B4GALT5: variants seen among roughly 807,000 people sequenced by gnomAD.
B4GALT5 encodes UDP-Gal:beta-GlcNAc beta-1,4-galactosyltransferase 5.
Under a neutral mutation model 45.0 loss-of-function variants are expected in B4GALT5, and 11 were observed. The observed-to-expected ratio is 0.24, with a 90% CI of 0.15 to 0.40. The LOEUF (loss-of-function observed/expected upper bound fraction) is 0.40, where lower values mean the gene tolerates loss of function less well. B4GALT5 is among the 10% of genes least tolerant of loss of function. The pLI, the probability that B4GALT5 is intolerant of heterozygous loss-of-function variation, is 1.00. For synonymous variants in B4GALT5, 185 were observed against 182.9 expected (o/e 1.01, Z -0.09); for missense variants, 337 against 500.2 (o/e 0.67, Z 3.11).
intron 3 of B4GALT5, among the ~76,000 whole-genome samples, chr20:49,646,169 C>G (rs1260595339): frequency 6.6e-6 from 1 of 152,090 alleles, no homozygotes; most frequent in Non-Finnish European, 1.5e-5. Context: ...TACAAGTTCA[C>G]AAGTTTAGAA....
intron 1 of B4GALT5, among the ~76,000 whole-genome samples, chr20:49,667,239 T>C (rs953042474): frequency 2.8e-5 from 4 of 141,836 alleles, no homozygotes; most frequent in African/African-American, 2.5e-5. Context: ...GTGTTTTTTT[T>C]TTTTTGGCTT....
At chr20:49,688,485 A>G (rs2085796194) in intron 1 of B4GALT5, among the ~76,000 whole-genome samples, 1 of 152,196 alleles carries the variant, frequency 6.6e-6, no homozygotes, top group Non-Finnish European at 1.5e-5. Context: ...TGCTGTGGTC[A>G]GCTCAGACAA....
At chr20:49,692,154 GT>G (rs148782228) in intron 1 of B4GALT5, among the ~76,000 whole-genome samples, 20 of 148,096 alleles carry the variant, frequency 1.4e-4, no homozygotes, top group Admixed American at 4.7e-4. Flanking sequence ...CTCACCTACT[GT>G]TTTTTTTTTA....
At chr20:49,712,887 G>C (rs917668073) in intron 1 of B4GALT5, among the ~76,000 whole-genome samples, 9 of 149,132 alleles carry the variant, frequency 6.0e-5, no homozygotes, top group Non-Finnish European at 7.4e-5. Flanking sequence ...GGGATTAGCA[G>C]GAGATTGAAT....
chr20:49,645,075 T>TGTG (rs1476038105), intron 3 of B4GALT5, among the ~76,000 whole-genome samples: 1 of 152,346 alleles, frequency 6.6e-6, no homozygotes, highest in East Asian at 1.9e-4. Flanking sequence ...ACTAGCACTT[T>TGTG]GTTAAGAAAA....
At chr20:49,641,293 A>G (rs1212456057) in intron 5 of B4GALT5, among the ~76,000 whole-genome samples, 2 of 152,162 alleles carry the variant, frequency 1.3e-5, no homozygotes, top group African/African-American at 2.4e-5. Flanking sequence ...TACCATTTCT[A>G]CTCCTTACCA....
chr20:49,646,623 A>G (rs767891946), intron 3 of B4GALT5, among the ~76,000 whole-genome samples: 24 of 152,122 alleles, frequency 1.6e-4, no homozygotes, highest in Non-Finnish European at 2.8e-4. Flanking sequence ...CCAACAATAA[A>G]ATCACCTAAT....
At chr20:49,661,068 T>C (rs1416626641) in intron 1 of B4GALT5, among the ~76,000 whole-genome samples, 1 of 152,212 alleles carries the variant, frequency 6.6e-6, no homozygotes, top group East Asian at 1.9e-4. Flanking sequence ...AATTATCTCA[T>C]TCAAAATTCA....
chr20:49,640,932 G>A (rs1393216250), intron 5 of B4GALT5, among the ~76,000 whole-genome samples: 3 of 152,178 alleles, frequency 2.0e-5, no homozygotes, highest in Non-Finnish European at 4.4e-5. Context: ...GGCCAACATG[G>A]TGAAACCCCA....
At chr20:49,659,164 A>T (rs1430503307) in intron 1 of B4GALT5, among the ~76,000 whole-genome samples, 2 of 152,222 alleles carry the variant, frequency 1.3e-5, no homozygotes, top group Non-Finnish European at 2.9e-5. Context: ...TTAAGGAGAT[A>T]GCTCTCACAT....
chr20:49,663,690 AATATATAC>A lies in B4GALT5; in HGVS notation c.116-6996_116-6989del, dbSNP rs1310780664. ...TTCATCTCAAGAAAAAAAAAAAAAA[AATATATAC>A]ATATATATATATATATATATATATA... On this transcript the variant is annotated intron_variant, in intron 1 of 8. Coordinates refer to ENST00000371711, the MANE Select transcript of B4GALT5 (RefSeq NM_004776.4). Among the ~76,000 whole-genome samples the A allele has an allele frequency of 3.7e-4, 36 of 96,934 alleles. 2 individuals carry two copies. The highest frequency in any genetic ancestry group is 1.3e-3 in the African/African-American group (29 of 22,424). 63.6% of individuals were successfully genotyped at this position (96,934 alleles called of 152,430 possible). A position where few individuals can be genotyped will look rare whatever the true frequency, so the allele number is the denominator to read the frequency against.
intron 1 of B4GALT5, among the ~76,000 whole-genome samples, chr20:49,697,466 C>T (rs1802003800): frequency 6.6e-6 from 1 of 152,222 alleles, no homozygotes. Flanking sequence ...CCTCCTCTAC[C>T]TCATACCAGT....
Position 49,635,125 on chromosome 20 carries a change from G to A in B4GALT5, c.*1187C>T, listed in dbSNP as rs1054127748. The A allele has an allele frequency of 1.3e-5, 2 of 152,244 alleles. No individual in the cohort carries two copies. The highest frequency in any genetic ancestry group is 1.3e-4 in the Admixed American group (2 of 15,286). 9.4% of individuals were successfully genotyped at this position (152,244 alleles called of 1,614,324 possible). On this transcript the variant is annotated 3_prime_UTR_variant, in exon 9 of 9. Coordinates refer to ENST00000371711, the MANE Select transcript of B4GALT5 (RefSeq NM_004776.4). ...CCAGAAACCAAAAAGGGACACAGAG[G>A]AATCACTGAAGCCAGCTGGTAATGT...
chr20:49,672,966 C>T (rs963002699), intron 1 of B4GALT5, among the ~76,000 whole-genome samples: 1 of 152,164 alleles, frequency 6.6e-6, no homozygotes, highest in East Asian at 1.9e-4. Flanking sequence ...ACCACTTAAC[C>T]AAGTGCCCAA....
intron 1 of B4GALT5, among the ~76,000 whole-genome samples, chr20:49,674,111 C>T (rs908667386): frequency 1.4e-5 from 2 of 141,468 alleles, no homozygotes; most frequent in African/African-American, 5.2e-5. Flanking sequence ...AAAAAATTAG[C>T]CAGGTGTGGT....
At chr20:49,700,412 T>C (rs1296109219) in intron 1 of B4GALT5, among the ~76,000 whole-genome samples, 1 of 152,174 alleles carries the variant, frequency 6.6e-6, no homozygotes, top group Non-Finnish European at 1.5e-5. Flanking sequence ...CCCAGGCTCA[T>C]GCGATCCCAA....
intron 2 of B4GALT5, among the ~76,000 whole-genome samples, chr20:49,653,904 C>T (rs2085631922): frequency 6.6e-6 from 1 of 152,216 alleles, no homozygotes; most frequent in Non-Finnish European, 1.5e-5. Flanking sequence ...CCTCTGTACT[C>T]AGTTTTCAAA....
At chr20:49,712,011 G>A (rs892127360) in intron 1 of B4GALT5, among the ~76,000 whole-genome samples, 3 of 152,012 alleles carry the variant, frequency 2.0e-5, no homozygotes, top group African/African-American at 7.3e-5. Flanking sequence ...AATTTTTCTA[G>A]CAGAATTTAC....
chr20:49,659,491 T>A (rs1281299136), intron 1 of B4GALT5, among the ~76,000 whole-genome samples: 1 of 152,244 alleles, frequency 6.6e-6, no homozygotes, highest in Non-Finnish European at 1.5e-5. Flanking sequence ...CTGTCTCGTG[T>A]TAGTCTCGTC....
Sources: allele counts gnomAD v4.1 joint callset (sites outside exome capture counted in the v4.1 genomes callset), GRCh38; gene constraint gnomAD v4.1.1; transcripts MANE v1.5; gene names NCBI Gene and HGNC (gene_info 2026-07-23, HGNC 2026-07-21).